Variants in BANP observed in about 807,000 individuals in gnomAD.
BANP encodes the protein BTG3 associated nuclear protein, also known as protein BANP.
Under a neutral mutation model 68.1 loss-of-function variants are expected in BANP, and 11 were observed. The ratio of observed to expected loss-of-function variants is 0.16; its 90% CI spans 0.10 to 0.27. The LOEUF (loss-of-function observed/expected upper bound fraction) is 0.27, where lower values mean the gene tolerates loss of function less well. Ranked by LOEUF, BANP falls within the 10% of genes least tolerant of loss-of-function variation. The pLI, the probability that BANP is intolerant of heterozygous loss-of-function variation, is 1.00. For synonymous variants in BANP, 329 were observed against 303.2 expected (o/e 1.09, Z -0.88); for missense variants, 504 against 722.7 (o/e 0.70, Z 3.47).
At chr16:88,049,325 C>T (rs1317293516) in intron 11 of BANP, among the ~76,000 whole-genome samples, 1 of 152,116 alleles carries the variant, frequency 6.6e-6, no homozygotes, top group African/African-American at 2.4e-5. Flanking sequence ...ATAAAGAATA[C>T]TACATAGGCT....
At chr16:88,027,805 G>T (rs189544423) in intron 8 of BANP, among the ~76,000 whole-genome samples, 155 bp downstream of exon 8, 86 of 152,358 alleles carry the variant, frequency 5.6e-4, no homozygotes, top group Non-Finnish European at 1.0e-3. Flanking sequence ...CAGTGGAGCC[G>T]CAGGACCTGT....
chr16:87,993,058 C>T (rs2066295841), intron 4 of BANP, among the ~76,000 whole-genome samples: 3 of 152,272 alleles, frequency 2.0e-5, no homozygotes, highest in Middle Eastern at 3.4e-3. Context: ...GTAGGATGTG[C>T]CTCTGTTGGA....
intron 11 of BANP, among the ~76,000 whole-genome samples, chr16:88,053,595 C>T (rs1193502169): frequency 6.8e-5 from 10 of 147,052 alleles, no homozygotes; most frequent in Non-Finnish European, 1.3e-4. Context: ...TCATCACCAA[C>T]ACAACCACCC....
chr16:87,988,609 A>G (rs2152484802), intron 4 of BANP, among the ~76,000 whole-genome samples: 1 of 152,314 alleles, frequency 6.6e-6, no homozygotes, highest in East Asian at 1.9e-4. Context: ...TGTAAGTCAC[A>G]GAGAGTATTA....
At chr16:88,063,300 C>T (rs140600117) in intron 11 of BANP, among the ~76,000 whole-genome samples, 257 of 152,356 alleles carry the variant, frequency 1.7e-3, no homozygotes, top group Non-Finnish European at 3.0e-3. Flanking sequence ...GGTGTGGATG[C>T]TTTCTGCCCT....
rs192356750 is a variant in BANP at position 88,012,642 on chromosome 16, C to T, written c.656-5786C>T. ...CAGGGACAGGAACACTCTGAGCCAT[C>T]GCCTGAAAAGTGACCGTGGAGCTAC... On this transcript the variant is annotated intron_variant, in intron 6 of 13. Coordinates refer to ENST00000682872, the MANE Select transcript of BANP (RefSeq NM_001386991.1). Among the ~76,000 whole-genome samples, 25 of 152,288 alleles carry T rather than the reference C, an allele frequency of 1.6e-4. 1 individual carries two copies. The South Asian group carries it at 3.1e-3, about 19-fold the overall frequency.
At chr16:87,959,916 C>G (rs539463605) in intron 1 of BANP, 1 of 153,234 alleles carries the variant, frequency 6.5e-6, no homozygotes, top group Non-Finnish European at 1.5e-5. Context: ...GAGGGTTCAG[C>G]TGTGGAAGTG....
intron 6 of BANP, among the ~76,000 whole-genome samples, chr16:88,006,715 A>C (rs1160543223): frequency 1.3e-5 from 2 of 151,400 alleles, no homozygotes; most frequent in Non-Finnish European, 2.9e-5. Flanking sequence ...GCACTTTGGG[A>C]GGCTGAGGCG....
At chr16:87,997,021 A>G (rs2067444799) in intron 4 of BANP, among the ~76,000 whole-genome samples, 3 of 152,246 alleles carry the variant, frequency 2.0e-5, no homozygotes, top group Non-Finnish European at 4.4e-5. Flanking sequence ...AGCACAGGGC[A>G]GGTGCTTAGG....
intron 12 of BANP, among the ~76,000 whole-genome samples, chr16:88,068,301 G>T (rs184428396): frequency 1.3e-5 from 2 of 152,236 alleles, no homozygotes; most frequent in Non-Finnish European, 2.9e-5. Context: ...AACCTTGGGC[G>T]TGCGCCAGGG....
At chr16:88,020,706 A>T (rs1206797229) in intron 7 of BANP, among the ~76,000 whole-genome samples, 1 of 152,166 alleles carries the variant, frequency 6.6e-6, no homozygotes, top group African/African-American at 2.4e-5. Context: ...CCCTGTTCCC[A>T]GGTGAGGAGT....
rs145462295 is a variant in BANP at position 87,955,543 on chromosome 16, C to T, written c.-69+4028C>T. Among the ~76,000 whole-genome samples the T allele has an allele frequency of 8.0e-3, 1,221 of 152,304 alleles. 36 individuals carry two copies. The highest frequency in any genetic ancestry group is 0.06 in the Admixed American group (912 of 15,304). The stretch of plus-strand genomic sequence containing the variant: ...TAAATGACAGACCTTATTCGAACTT[C>T]GGTTTTGCACCAGTGTCCTCTTGCT... On this transcript the variant is annotated intron_variant, in intron 1 of 13. Coordinates refer to ENST00000682872, the MANE Select transcript of BANP (RefSeq NM_001386991.1).
chr16:88,042,794 T>C (rs2081141898), intron 11 of BANP, among the ~76,000 whole-genome samples: 1 of 151,906 alleles, frequency 6.6e-6, no homozygotes, highest in Non-Finnish European at 1.5e-5. Flanking sequence ...TATGTGCCTG[T>C]AGTCCCAAGC....
chr16:87,973,771 A>AAG (rs1555544115), intron 1 of BANP, among the ~76,000 whole-genome samples: 16 of 107,112 alleles, frequency 1.5e-4, no homozygotes, highest in East Asian at 6.9e-4. Flanking sequence ...AAAAAAAAAA[A>AAG]AAAGAAAAAA....
rs559097653 is a variant in BANP, at chr16:88,057,345, C to G, written c.1312-7922C>G. 6.6e-6 allele frequency among the ~76,000 whole-genome samples: 1 copy of G among 152,110 alleles called. No individual in the cohort carries two copies. The highest frequency in any genetic ancestry group is 1.5e-5 in the Non-Finnish European group (1 of 68,020). ...CCAAGAATTATCTTCTGGAAGGCTA[C>G]CAGAGTAGCTGCCTGCGAAAGGAAA... On this transcript the variant is annotated intron_variant, in intron 11 of 13. Transcript: ENST00000682872. This position sits in a 1 kb window ranked among gnomAD's most constrained non-coding sequence, Gnocchi z 4.6.
intron 4 of BANP, among the ~76,000 whole-genome samples, chr16:87,997,693 G>C (rs1450875381): frequency 1.3e-5 from 2 of 152,148 alleles, no homozygotes; most frequent in African/African-American, 4.8e-5. Flanking sequence ...GTGGTAAAGT[G>C]GGTGAAATAG....
intron 11 of BANP, among the ~76,000 whole-genome samples, chr16:88,056,078 G>T (rs564294375): frequency 2.0e-5 from 3 of 152,196 alleles, no homozygotes; most frequent in African/African-American, 7.2e-5. Flanking sequence ...TCCTTGCCCT[G>T]TCTGGGGAGG....
rs577190967 is a variant in BANP, at chr16:88,072,118, C to G, written c.1427C>G (p.Ala476Gly). The change falls in exon 13 of 14, where the codon GCG (alanine) becomes GGG (glycine). Residue 476 changes from alanine (A) to glycine (G), a missense_variant. Ala to Gly is a moderately conservative substitution (Grantham distance 60). Transcript: ENST00000682872. Reference protein sequence around the residue: ...LIAVASSDPAAAGVDGSPLQG... With the variant: ...LIAVASSDPAGAGVDGSPLQG... ...GCCGTGGCCTCCTCGGACCCCGCGG[C>G]GGCGGGCGTGGATGGGTCGCCACTC... 6.2e-7 allele frequency: 1 copy of G among 1,606,688 alleles called. No homozygotes were observed. Among genetic ancestry groups the G allele is most frequent in the East Asian group, 2.2e-5 (1 of 44,570 alleles).
At chr16:88,038,310 G>C (rs1176279981) in intron 11 of BANP, among the ~76,000 whole-genome samples, 1 of 152,184 alleles carries the variant, frequency 6.6e-6, no homozygotes, top group Non-Finnish European at 1.5e-5. Context: ...GGGAGCGAGG[G>C]TGCAAAGGCC....
Sources: allele counts gnomAD v4.1 joint callset (sites outside exome capture counted in the v4.1 genomes callset), GRCh38; gene constraint gnomAD v4.1.1; non-coding constraint Gnocchi (gnomAD v3.1); transcripts MANE v1.5; gene names NCBI Gene and HGNC (gene_info 2026-07-23, HGNC 2026-07-21).